ALDH1A2: variants seen among roughly 807,000 people sequenced by gnomAD.
The protein encoded by ALDH1A2 is aldehyde dehydrogenase 1 family member A2.
A neutral mutation model predicts 60.3 loss-of-function variants in ALDH1A2; 27 were observed. The observed-to-expected ratio is 0.45, with a 90% CI of 0.33 to 0.62. The LOEUF is 0.62. Among genes scored for constraint, ALDH1A2 ranks in the 20% least tolerant of loss-of-function variants. ALDH1A2 has a pLI of 0.02. For missense variants in ALDH1A2, 581 were observed against 643.8 expected, an observed-to-expected ratio of 0.90 and a Z score of 1.06; for synonymous variants, 289 against 232.4, an observed-to-expected ratio of 1.24 and a Z score of -2.21.
chr15:58,045,554 C>T (rs1368109202), intron 1 of ALDH1A2, among the ~76,000 whole-genome samples: 3 of 152,036 alleles, frequency 2.0e-5, no homozygotes, highest in Non-Finnish European at 2.9e-5. Context: ...CCATGGAATA[C>T]TATGCAGCCA....
intron 1 of ALDH1A2, among the ~76,000 whole-genome samples, chr15:58,060,874 G>A (rs550420884): frequency 2.4e-4 from 37 of 152,276 alleles, no homozygotes; most frequent in African/African-American, 7.9e-4. Context: ...AACTAAGAAA[G>A]ACTCAGAACT....
intron 1 of ALDH1A2, among the ~76,000 whole-genome samples, chr15:58,028,610 T>C (rs12915693): frequency 0.41 from 63,045 of 151,990 alleles, 14,656 homozygotes; most frequent in Non-Finnish European, 0.54. Flanking sequence ...GACTGCTAAA[T>C]TGGATAGAGT....
chr15:58,025,332 G>GA (rs566472674), intron 1 of ALDH1A2, among the ~76,000 whole-genome samples: 72 of 152,140 alleles, frequency 4.7e-4, no homozygotes, highest in African/African-American at 1.5e-3. Flanking sequence ...AATCAGAATT[G>GA]AAAATTGAAA....
At chr15:57,983,635 G>T (rs1894592024) in intron 7 of ALDH1A2, among the ~76,000 whole-genome samples, 1 of 152,072 alleles carries the variant, frequency 6.6e-6, no homozygotes, top group South Asian at 2.1e-4. Flanking sequence ...TTAAATGACA[G>T]AACTTTAGTT....
chr15:57,972,127 T>C (rs1307335097), intron 7 of ALDH1A2, among the ~76,000 whole-genome samples: 1 of 142,430 alleles, frequency 7.0e-6, no homozygotes, highest in Non-Finnish European at 1.6e-5. Context: ...GGAATTATTA[T>C]TCTATTTTAT....
intron 12 of ALDH1A2, among the ~76,000 whole-genome samples, chr15:57,960,096 T>C (rs1246446922): frequency 6.6e-6 from 1 of 152,240 alleles, no homozygotes; most frequent in Non-Finnish European, 1.5e-5. Flanking sequence ...TGATCTTCCC[T>C]ATCCCTGAGC....
chr15:57,971,356 G>A (rs759584721), intron 7 of ALDH1A2, among the ~76,000 whole-genome samples: 3 of 152,128 alleles, frequency 2.0e-5, no homozygotes, highest in Non-Finnish European at 4.4e-5. Flanking sequence ...TGCTATGTAC[G>A]TAACTCTCAC....
chr15:57,964,073 C>G lies in ALDH1A2; in HGVS notation c.902-4G>C. On this transcript the variant is annotated splice_polypyrimidine_tract_variant and splice_region_variant and intron_variant, in intron 8 of 12. Coordinates refer to ENST00000249750, the MANE Select transcript of ALDH1A2 (RefSeq NM_003888.4). ...GCCTGCTCCACAGCATAGTCCACTA[C>G]AAGAGGAAACAGCCATGTTCTCACC... The G allele has an allele frequency of 6.2e-7, 1 of 1,613,926 alleles. No homozygotes were observed.
intron 1 of ALDH1A2, among the ~76,000 whole-genome samples, chr15:58,024,540 A>T (rs1896021801): frequency 6.6e-6 from 1 of 152,190 alleles, no homozygotes; most frequent in South Asian, 2.1e-4. Context: ...TATGTATCAA[A>T]CACTGGAGCA....
rs113285619 is a variant in ALDH1A2 at position 57,976,462 on chromosome 15, T to G, written c.799-10635A>C. On this transcript the variant is annotated intron_variant, in intron 7 of 12. Transcript: ENST00000249750. ...CCCCGGTGTGTGATGTTCCCCTCCC[T>G]GTGTCCATGCATCCTCATTGTTCAA... Among the ~76,000 whole-genome samples, 11 of 152,280 alleles carry G rather than the reference T, an allele frequency of 7.2e-5. 2 individuals are homozygous for G. The highest frequency in any genetic ancestry group is 2.6e-4 in the African/African-American group (11 of 41,558).
At chr15:58,055,187 G>C (rs1896866740) in intron 1 of ALDH1A2, among the ~76,000 whole-genome samples, 4 of 152,000 alleles carry the variant, frequency 2.6e-5, no homozygotes, top group Non-Finnish European at 5.9e-5. Flanking sequence ...CACTATTGCT[G>C]TTGAGCCTGA....
chr15:57,974,485 T>C (rs1328140025), intron 7 of ALDH1A2, among the ~76,000 whole-genome samples: 1 of 142,486 alleles, frequency 7.0e-6, no homozygotes, highest in African/African-American at 2.6e-5. Flanking sequence ...ATATGGAAAA[T>C]TTATGCTTGA....
intron 7 of ALDH1A2, among the ~76,000 whole-genome samples, chr15:57,970,978 G>T (rs1358441343): frequency 6.6e-6 from 1 of 152,178 alleles, no homozygotes; most frequent in Non-Finnish European, 1.5e-5. Context: ...AATCTGTCCA[G>T]ATTTGCACCA....
chr15:58,000,844 C>T (rs902687430), intron 4 of ALDH1A2, among the ~76,000 whole-genome samples: 7 of 151,710 alleles, frequency 4.6e-5, no homozygotes, highest in African/African-American at 1.7e-4. Context: ...ATCCACAGAC[C>T]ACACTCTGAG....
At position 57,972,723 on chromosome 15, in the gene ALDH1A2, A is replaced by G. The variant is rs563421104; in HGVS notation, c.799-6896T>C. ...ATGCTAATAGTTTAAAACCTACACA[A>G]CCAAAGGTTTTTCCACATGAAACTG... is the stretch of plus-strand genomic sequence containing the variant. On this transcript the variant is annotated intron_variant, in intron 7 of 12. Transcript: ENST00000249750. 5.1e-3 allele frequency among the ~76,000 whole-genome samples: 782 copies of G among 152,338 alleles called. 7 individuals are homozygous for G. The highest frequency in any genetic ancestry group is 9.1e-3 in the Non-Finnish European group (616 of 68,032).
In ALDH1A2 at chr15:57,965,772, A is replaced by G. The variant is rs754746840; in HGVS notation, c.854T>C (p.Leu285Pro). 1 of 1,614,210 alleles carries G rather than the reference A, an allele frequency of 6.2e-7. No individual in the cohort carries two copies. The highest frequency in any genetic ancestry group is 8.5e-7 in the Non-Finnish European group (1 of 1,180,012). ...AGRSNLKRVTLELGGKSPNII... is the reference protein window; with the variant it reads ...AGRSNLKRVTPELGGKSPNII... ...ATTAGGACTTTTGCCTCCAAGTTCC[A>G]GAGTTACTCTCTTCAAATTACTTCT... is the stretch of plus-strand genomic sequence containing the variant. The change falls in exon 8 of 13, where the codon CTG becomes CCG. Residue 285 changes from leucine (L) to proline (P), a missense_variant. Around this residue, in one of 2 missense-constraint regions of ALDH1A2, gnomAD observed 375 missense variants for 469.7 expected, o/e 0.80. Transcript: ENST00000249750.
At chr15:58,040,678 G>T (rs1475674425) in intron 1 of ALDH1A2, among the ~76,000 whole-genome samples, 3 of 151,836 alleles carry the variant, frequency 2.0e-5, no homozygotes, top group Admixed American at 6.6e-5. Context: ...TTAAATTAAA[G>T]ATCTATATTC....
intron 1 of ALDH1A2, among the ~76,000 whole-genome samples, chr15:58,020,697 G>A (rs1004562108): frequency 2.6e-5 from 4 of 151,996 alleles, no homozygotes; most frequent in African/African-American, 9.7e-5. Flanking sequence ...TTTATTCTTA[G>A]ATATTTTCTT....
At chr15:57,992,100 A>C (rs183112499) in intron 7 of ALDH1A2, among the ~76,000 whole-genome samples, 4 of 152,336 alleles carry the variant, frequency 2.6e-5, no homozygotes, top group African/African-American at 9.6e-5. Flanking sequence ...TTATGTAAAA[A>C]TTCCAATTTC....
Sources: allele counts gnomAD v4.1 joint callset (sites outside exome capture counted in the v4.1 genomes callset), GRCh38; gene constraint gnomAD v4.1.1; regional missense constraint gnomAD v4.1.1; transcripts MANE v1.5; gene names NCBI Gene and HGNC (gene_info 2026-07-23, HGNC 2026-07-21).